The following TASOR2 variants were observed in gnomAD, a reference collection of about 807,000 sequenced individuals.
TASOR2 encodes protein TASOR 2.
TASOR2 carries 84 observed loss-of-function variants against 199.5 expected under a neutral mutation model. The observed-to-expected ratio is 0.42, with a 90% CI of 0.35 to 0.50. The LOEUF (loss-of-function observed/expected upper bound fraction) is 0.50. Ranked by LOEUF, TASOR2 falls within the 20% of genes least tolerant of loss-of-function variation. The probability of loss-of-function intolerance (pLI) is 0.02; values close to 1 mark genes in which losing one functional copy is unlikely to be tolerated. For synonymous variants in TASOR2, 1,103 were observed against 1,046.6 expected, an observed-to-expected ratio of 1.05 and a Z score of -1.04; for missense variants, 2,796 against 2,835.9, an observed-to-expected ratio of 0.99 and a Z score of 0.32.
intron 11 of TASOR2, among the ~76,000 whole-genome samples, 191 bp downstream of exon 12, chr10:5,731,394 G>A (rs957338825): frequency 3.3e-5 from 5 of 152,062 alleles, no homozygotes; most frequent in East Asian, 1.9e-4. Flanking sequence ...TGGGTGTGGC[G>A]GTGCGTGCCT....
intron 2 of TASOR2, among the ~76,000 whole-genome samples, chr10:5,715,280 A>AC (rs1832482557): frequency 6.6e-6 from 1 of 151,238 alleles, no homozygotes; most frequent in Non-Finnish European, 1.5e-5. Context: ...TATAGAATTC[A>AC]CCCATTGTTT....
rs78697353 is a variant in TASOR2, at chr10:5,753,213, G to A, written c.6606+3186G>A. ...AACGTGAAACTCCATTGTTGCTAGAGTCACAGCTCTGTTCTGCAAGGTGGC... is the reference window on the plus strand; with the variant it reads ...AACGTGAAACTCCATTGTTGCTAGAATCACAGCTCTGTTCTGCAAGGTGGC... On this transcript the variant is annotated intron_variant, in intron 15 of 20. Coordinates refer to ENST00000328090, the Ensembl canonical transcript of TASOR2. 1.2e-3 allele frequency among the ~76,000 whole-genome samples: 187 copies of A among 152,310 alleles called. 3 individuals carry two copies. The East Asian group carries it at 0.026, about 21-fold the overall frequency.
chr10:5,739,562 A>C (rs1160168527), intron 12 of TASOR2, 56 bp from the exon 14 acceptor site: 3 of 1,495,388 alleles, frequency 2.0e-6, no homozygotes, highest in Non-Finnish European at 2.7e-6. Flanking sequence ...AATATGGCAG[A>C]GAGTTAATTC....
chr10:5,687,269 C>A lies in TASOR2; in HGVS notation c.-288+2094C>A, dbSNP rs1333712967. Among the ~76,000 whole-genome samples the A allele has an allele frequency of 6.6e-6, 1 of 152,200 alleles. No homozygotes were observed. The highest frequency in any genetic ancestry group is 6.5e-5 in the Admixed American group (1 of 15,276). On this transcript the variant is annotated intron_variant, in intron 1 of 20. Coordinates refer to ENST00000328090, the Ensembl canonical transcript of TASOR2. This position sits in a 1 kb window ranked among gnomAD's most constrained non-coding sequence, Gnocchi z 4.8. ...CCCAGGAGGAATGCGTTCCCTGCCC[C>A]CCGTTACCCTGGCCATTATTAATTT... is the stretch of plus-strand genomic sequence containing the variant.
intron 11 of TASOR2, among the ~76,000 whole-genome samples, chr10:5,733,463 C>T (rs1240405753): frequency 6.6e-6 from 1 of 152,128 alleles, no homozygotes; most frequent in Non-Finnish European, 1.5e-5. Flanking sequence ...AGCTGCACTG[C>T]ACTCCAGCCT....
At position 5,699,697 on chromosome 10, in the gene TASOR2, C is replaced by T; in HGVS notation, c.-287-13126C>T. 1.9e-6 allele frequency: 1 copy of T among 514,520 alleles called. No homozygotes were observed. Among genetic ancestry groups the T allele is most frequent in the Non-Finnish European group, 2.5e-6 (1 of 400,064 alleles). 31.9% of individuals were successfully genotyped at this position (514,520 alleles called of 1,614,324 possible). A position where few individuals can be genotyped will look rare whatever the true frequency, so the allele number is the denominator to read the frequency against. The stretch of plus-strand genomic sequence containing the variant: ...TCAGAAGTACACAAGGGAGACTAGA[C>T]ACCATGGCAAAGATCATAAAAGTAG... On this transcript the variant is annotated intron_variant, in intron 1 of 20. Coordinates refer to ENST00000328090, the Ensembl canonical transcript of TASOR2. This position sits in a 1 kb window ranked among gnomAD's most constrained non-coding sequence, Gnocchi z 4.1.
chr10:5,705,489 G>A (rs1458910027), intron 1 of TASOR2, among the ~76,000 whole-genome samples: 2 of 152,100 alleles, frequency 1.3e-5, no homozygotes, highest in Non-Finnish European at 2.9e-5. Context: ...ATTCTCTTGG[G>A]TAAATATCTA....
At chr10:5,728,380 G>A (rs1834338186) in intron 10 of TASOR2, among the ~76,000 whole-genome samples, 1 of 152,180 alleles carries the variant, frequency 6.6e-6, no homozygotes, top group Non-Finnish European at 1.5e-5. Flanking sequence ...GCTCACGCCT[G>A]TAATCCCAGC....
intron 1 of TASOR2, among the ~76,000 whole-genome samples, chr10:5,688,611 C>T (rs762509186): frequency 6.6e-6 from 1 of 152,072 alleles, no homozygotes; most frequent in Non-Finnish European, 1.5e-5. Flanking sequence ...CATTGGCCTA[C>T]CATGCACTTT....
At chr10:5,729,302 C>T (rs1834479117) in intron 10 of TASOR2, among the ~76,000 whole-genome samples, 1 of 151,396 alleles carries the variant, frequency 6.6e-6, no homozygotes, top group African/African-American at 2.4e-5. Flanking sequence ...GAGATGAGAT[C>T]ACACCACTGC....
At chr10:5,739,801 C>T in exon 13 of TASOR2, 1 of 1,614,214 alleles carries the variant, frequency 6.2e-7, no homozygotes, top group Non-Finnish European at 8.5e-7. Context: ...GCATTAAGCT[C>T]TGCTACTTCT....
chr10:5,712,648 G>T, intron 1 of TASOR2, 175 bp from the exon 2 acceptor site: 1 of 958,816 alleles, frequency 1.0e-6, no homozygotes, highest in Non-Finnish European at 1.4e-6. Context: ...TTTTTCAGAC[G>T]CAGCAGATCC....
Position 5,687,849 on chromosome 10 carries a change from G to C in TASOR2, c.-288+2674G>C, listed in dbSNP as rs76834608. 9.3e-3 allele frequency among the ~76,000 whole-genome samples: 1,415 copies of C among 152,252 alleles called. 29 individuals are homozygous for C. The highest frequency in any genetic ancestry group is 0.032 in the African/African-American group (1,349 of 41,544). ...CTGCTGAAGATCCCAAAGATCTTTT[G>C]TTTATTGGATTATATCAATTGATAA... On this transcript the variant is annotated intron_variant, in intron 1 of 20. Transcript: ENST00000328090. The surrounding 1 kb of genome is among the most constrained non-coding windows in gnomAD (Gnocchi z 4.8).
intron 15 of TASOR2, among the ~76,000 whole-genome samples, chr10:5,755,986 T>C (rs1036420612): frequency 1.3e-5 from 2 of 151,208 alleles, no homozygotes; most frequent in African/African-American, 4.8e-5. Context: ...AGTGAGACCA[T>C]GTCTCAAAAA....
intron 1 of TASOR2, chr10:5,709,605 A>T (rs1414831126): frequency 8.1e-7 from 1 of 1,230,966 alleles, no homozygotes; most frequent in African/African-American, 1.6e-5. Flanking sequence ...AATTAAGACC[A>T]CCCTCCCAGC....
exon 12 of TASOR2, chr10:5,735,356 A>G: frequency 6.2e-7 from 1 of 1,614,186 alleles, no homozygotes; most frequent in Non-Finnish European, 8.5e-7. Flanking sequence ...TGGATAGGAA[A>G]AACCAAGAAG....
At chr10:5,749,042 A>G in exon 15 of TASOR2, 3 of 1,614,136 alleles carry the variant, frequency 1.9e-6, no homozygotes, top group African/African-American at 1.3e-5. Flanking sequence ...AACTTCCACA[A>G]CAACAACCAA....
In TASOR2 at chr10:5,740,189, A is replaced by G; in HGVS notation, c.2019A>G (p.Ile673Met). 1.2e-6 allele frequency: 2 copies of G among 1,614,224 alleles called. No individual in the cohort carries two copies. The highest frequency in any genetic ancestry group is 8.5e-7 in the Non-Finnish European group (1 of 1,180,044). ...AGAAACATCTACAGGAGAGAGAGAT[A>G]CTAAGCCCTCTGTTTCCCAGGAATG... is the stretch of plus-strand genomic sequence containing the variant. The change falls in exon 13 of 21, where the codon ATA becomes ATG. Residue 673 changes from isoleucine (I) to methionine (M), a missense_variant. This residue lies in a region of TASOR2 where 847 missense variants were observed against 887.4 expected (regional missense o/e 0.95). Transcript: ENST00000328090. The surrounding 1 kb of genome is among the most constrained non-coding windows in gnomAD (Gnocchi z 5.3).
chr10:5,692,162 A>AAAAG (rs1227278735), intron 1 of TASOR2, among the ~76,000 whole-genome samples: 11 of 151,772 alleles, frequency 7.2e-5, no homozygotes, highest in Admixed American at 3.3e-4. Flanking sequence ...AAAAAAAAAA[A>AAAAG]AAGCCATATT....
Sources: gnomAD v4.1 joint callset for allele counts (sites outside exome capture counted in the v4.1 genomes callset) on GRCh38, gnomAD v4.1.1 for gene constraint, gnomAD v4.1.1 regional missense constraint, Gnocchi (gnomAD v3.1) non-coding constraint, MANE v1.5 for transcripts, NCBI Gene and HGNC (gene_info 2026-07-23, HGNC 2026-07-21) for gene names.